The following NBAS variants were observed in gnomAD, a reference collection of about 807,000 sequenced individuals.
NBAS encodes the protein NBAS subunit of NRZ tethering complex.
In NBAS, 219 loss-of-function variants were observed where a neutral mutation model predicts 302.5. The ratio of observed to expected loss-of-function variants is 0.72; its 90% CI spans 0.65 to 0.81. The LOEUF (loss-of-function observed/expected upper bound fraction) is 0.81. Ranked by LOEUF, NBAS falls within the 30% of genes least tolerant of loss-of-function variation. The probability of loss-of-function intolerance (pLI) is 0.00; values close to 1 mark genes in which losing one functional copy is unlikely to be tolerated. For synonymous variants in NBAS, 1,118 were observed against 1,021.6 expected (o/e 1.09, Z -1.80); for missense variants, 2,932 against 2,841.6 (o/e 1.03, Z -0.72).
the NBAS span, among the ~76,000 whole-genome samples, chr2:14,829,562 T>C: frequency 2.8e-4 from 42 of 152,294 alleles, no homozygotes; most frequent in Non-Finnish European, 3.8e-4. Context: ...TTTCTAAGAT[T>C]GCACCAAAGA....
intron 23 of NBAS, among the ~76,000 whole-genome samples, chr2:15,422,081 A>T (rs1423201323): frequency 1.3e-5 from 2 of 152,176 alleles, no homozygotes; most frequent in Admixed American, 6.5e-5. Context: ...GTATCCAATG[A>T]AGAACAGTTT....
the NBAS span, among the ~76,000 whole-genome samples, chr2:15,109,207 C>T: frequency 1.3e-5 from 2 of 152,054 alleles, no homozygotes; most frequent in African/African-American, 2.4e-5. Flanking sequence ...TGGTGCCTGT[C>T]AATAAGAGAT....
intron 51 of NBAS, among the ~76,000 whole-genome samples, chr2:15,178,679 T>C (rs1664668348): frequency 6.6e-6 from 1 of 152,224 alleles, no homozygotes; most frequent in Non-Finnish European, 1.5e-5. Context: ...GGACTGCTAG[T>C]TGATGGCTGC....
At chr2:15,531,892 C>G (rs147145842) in intron 9 of NBAS, among the ~76,000 whole-genome samples, 13 of 152,278 alleles carry the variant, frequency 8.5e-5, no homozygotes, top group Non-Finnish European at 1.8e-4. Flanking sequence ...CCTACTCTCC[C>G]ACCCTTCCAT....
the NBAS span, among the ~76,000 whole-genome samples, chr2:14,837,285 TG>T: frequency 6.6e-6 from 1 of 151,982 alleles, no homozygotes; most frequent in Non-Finnish European, 1.5e-5. Flanking sequence ...AAACTAAATA[TG>T]AATACCGTGA....
intron 23 of NBAS, among the ~76,000 whole-genome samples, chr2:15,421,205 A>T (rs1444545135): frequency 6.6e-6 from 1 of 151,976 alleles, no homozygotes; most frequent in Non-Finnish European, 1.5e-5. Context: ...AGCTTGATGC[A>T]TAGAGCACAG....
intron 11 of NBAS, among the ~76,000 whole-genome samples, chr2:15,503,927 A>C (rs1661707952): frequency 6.6e-6 from 1 of 152,208 alleles, no homozygotes; most frequent in Non-Finnish European, 1.5e-5. Flanking sequence ...ATTCTCTATA[A>C]TTATTTTTCT....
chr2:15,237,814 G>A (rs1464377433), intron 45 of NBAS, among the ~76,000 whole-genome samples: 3 of 137,560 alleles, frequency 2.2e-5, no homozygotes, highest in African/African-American at 8.2e-5. Context: ...TCGCTCTGTC[G>A]CCCAGGCTGG....
At chr2:14,826,838 T>C in the NBAS span, among the ~76,000 whole-genome samples, 1 of 152,210 alleles carries the variant, frequency 6.6e-6, no homozygotes, top group Non-Finnish European at 1.5e-5. Flanking sequence ...AGGAAGAAGT[T>C]TGGTCCAGCC....
chr2:15,328,611 C>T (rs891730755), intron 36 of NBAS, among the ~76,000 whole-genome samples: 9 of 152,118 alleles, frequency 5.9e-5, no homozygotes, highest in Non-Finnish European at 1.3e-4. Context: ...CTGAAGCAAT[C>T]GATGTTGTTC....
At chr2:15,324,842 C>T (rs1379937339) in intron 38 of NBAS, among the ~76,000 whole-genome samples, 2 of 152,180 alleles carry the variant, frequency 1.3e-5, no homozygotes, top group African/African-American at 2.4e-5. Context: ...GAGAACGTCA[C>T]TATTTGCTTT....
At chr2:15,095,055 C>T in the NBAS span, among the ~76,000 whole-genome samples, 3 of 152,036 alleles carry the variant, frequency 2.0e-5, no homozygotes, top group Non-Finnish European at 4.4e-5. Flanking sequence ...GCCATGTCTC[C>T]GCCTCTTAGG....
chr2:15,482,655 G>C (rs1184265322), intron 12 of NBAS, among the ~76,000 whole-genome samples: 1 of 150,256 alleles, frequency 6.7e-6, no homozygotes, highest in Non-Finnish European at 1.5e-5. Context: ...ACTGACAAAA[G>C]GCAAGCAAAG....
intron 21 of NBAS, among the ~76,000 whole-genome samples, chr2:15,445,627 T>C (rs1466693669): frequency 1.3e-5 from 2 of 151,640 alleles, no homozygotes; most frequent in Non-Finnish European, 2.9e-5. Flanking sequence ...GCACATTGTG[T>C]CCATGTACCC....
At chr2:15,288,929 GC>G (rs1670180533) in intron 41 of NBAS, among the ~76,000 whole-genome samples, 2 of 152,086 alleles carry the variant, frequency 1.3e-5, no homozygotes, top group African/African-American at 4.8e-5. Context: ...TCTTTTTATG[GC>G]TTTTGTTTTT....
chr2:15,500,848 C>G (rs556314468), intron 11 of NBAS, among the ~76,000 whole-genome samples: 1 of 144,444 alleles, frequency 6.9e-6, no homozygotes, highest in African/African-American at 2.6e-5. Flanking sequence ...GGCGTGAACC[C>G]GGGAGGCGGA....
chr2:15,190,253 T>C lies in NBAS; in HGVS notation c.6572+11A>G. 6.2e-7 allele frequency: 1 copy of C among 1,613,752 alleles called. No individual in the cohort carries two copies. The highest frequency in any genetic ancestry group is 2.2e-5 in the East Asian group (1 of 44,860). On this transcript the variant is annotated intron_variant, in intron 49 of 51. Transcript: ENST00000281513. ...GAACTCTAATTACGCTAATTTTATGTTAATACTTACACATATTCACTTTTC... is the reference window on the plus strand; with the variant it reads ...GAACTCTAATTACGCTAATTTTATGCTAATACTTACACATATTCACTTTTC...
intron 44 of NBAS, among the ~76,000 whole-genome samples, chr2:15,262,066 T>C (rs1668875761): frequency 6.6e-6 from 1 of 152,130 alleles, no homozygotes; most frequent in Non-Finnish European, 1.5e-5. Context: ...TGGTGCTAAT[T>C]AGCATCTGCC....
At chr2:15,240,212 G>A (rs1667797446) in intron 44 of NBAS, among the ~76,000 whole-genome samples, 1 of 152,034 alleles carries the variant, frequency 6.6e-6, no homozygotes, top group Admixed American at 6.5e-5. Context: ...ATTCTGAAAA[G>A]CAGGACTAGG....
Sources: gnomAD v4.1 joint callset for allele counts (sites outside exome capture counted in the v4.1 genomes callset) on GRCh38, gnomAD v4.1.1 for gene constraint, MANE v1.5 for transcripts, NCBI Gene and HGNC (gene_info 2026-07-23, HGNC 2026-07-21) for gene names.